The following ADAM22 variants were observed in gnomAD, a reference collection of about 807,000 sequenced individuals.
The protein encoded by ADAM22 is ADAM metallopeptidase domain 22, also known as disintegrin and metalloproteinase domain-containing protein 22.
Under a neutral mutation model 144.6 loss-of-function variants are expected in ADAM22, and 65 were observed. The ratio of observed to expected loss-of-function variants is 0.45; its 90% CI spans 0.37 to 0.55. The LOEUF (loss-of-function observed/expected upper bound fraction) is 0.55. Ranked by LOEUF, ADAM22 falls within the 20% of genes least tolerant of loss-of-function variation. ADAM22 has a pLI of 0.00. For missense variants in ADAM22, 974 were observed against 1,184.9 expected (o/e 0.82, Z 2.61); for synonymous variants, 391 against 412.6 (o/e 0.95, Z 0.63).
chr7:88,112,164 T>G (rs1204012939), intron 5 of ADAM22, among the ~76,000 whole-genome samples: 1 of 152,216 alleles, frequency 6.6e-6, no homozygotes, highest in Middle Eastern at 3.2e-3. Flanking sequence ...TGGGCACATA[T>G]TGTCAGTAAT....
chr7:88,020,050 A>G (rs1432227235), intron 3 of ADAM22, among the ~76,000 whole-genome samples: 1 of 152,154 alleles, frequency 6.6e-6, no homozygotes, highest in African/African-American at 2.4e-5. Flanking sequence ...GCCATCTCTT[A>G]GGTGGATAGC....
intron 3 of ADAM22, among the ~76,000 whole-genome samples, chr7:88,024,818 T>TG (rs1250675533): frequency 6.6e-6 from 1 of 151,768 alleles, no homozygotes; most frequent in African/African-American, 2.4e-5. Flanking sequence ...TTTTTGTCCT[T>TG]GCGATAGTTT....
chr7:87,945,395 T>C (rs1218662502), intron 2 of ADAM22, among the ~76,000 whole-genome samples: 1 of 152,224 alleles, frequency 6.6e-6, no homozygotes, highest in Admixed American at 6.5e-5. Context: ...AATGCTTTCA[T>C]GTGCCTTCCA....
Position 88,044,031 on chromosome 7 carries a change from A to G in ADAM22, c.324-31595A>G, listed in dbSNP as rs543020353. Among the ~76,000 whole-genome samples the G allele has an allele frequency of 2.0e-5, 3 of 152,378 alleles. No homozygotes were observed. The South Asian group carries it at 6.2e-4, about 32-fold the overall frequency. On this transcript the variant is annotated intron_variant, in intron 3 of 31. Transcript: ENST00000413139. ...TTCTCATTGCTACAGTATGGCATAC[A>G]TTAAATCCAAAGAGAAGTACTTGTT...
chr7:88,104,432 A>T (rs1823813416), intron 4 of ADAM22, among the ~76,000 whole-genome samples: 1 of 152,022 alleles, frequency 6.6e-6, no homozygotes, highest in Non-Finnish European at 1.5e-5. Flanking sequence ...ATGTGAAGGG[A>T]GTATTTTTAT....
intron 17 of ADAM22, among the ~76,000 whole-genome samples, chr7:88,148,126 A>G (rs1374227667): frequency 6.6e-6 from 1 of 152,218 alleles, no homozygotes; most frequent in Non-Finnish European, 1.5e-5. Flanking sequence ...ATGCCTGTAG[A>G]GTTCTGAGCA....
rs183506765 is a variant in ADAM22 at position 88,199,738 on chromosome 7, G to A, written c.*3247G>A. ...CCTTTAAAAAATGTTGATGAATAAA[G>A]CAAATGTGGGTTTAAAATGCCAACT... On this transcript the variant is annotated 3_prime_UTR_variant, in exon 32 of 32. Coordinates refer to ENST00000413139, the MANE Select transcript of ADAM22 (RefSeq NM_001324418.2). The A allele has an allele frequency of 6.6e-6, 1 of 152,260 alleles. No homozygotes were observed. Among genetic ancestry groups the A allele is most frequent in the African/African-American group, 2.4e-5 (1 of 41,552 alleles). 9.4% of individuals were successfully genotyped at this position (152,260 alleles called of 1,614,324 possible). A position where few individuals can be genotyped will look rare whatever the true frequency, so the allele number is the denominator to read the frequency against.
chr7:87,994,050 G>A (rs1790512138), intron 3 of ADAM22, among the ~76,000 whole-genome samples: 1 of 151,976 alleles, frequency 6.6e-6, no homozygotes, highest in Admixed American at 6.6e-5. Context: ...TCATGAAAGT[G>A]TCTGAATTTC....
chr7:88,048,438 A>G (rs1395852251), intron 3 of ADAM22, among the ~76,000 whole-genome samples: 2 of 152,156 alleles, frequency 1.3e-5, no homozygotes, highest in Non-Finnish European at 1.5e-5. Context: ...ACTGCCTTCT[A>G]TAAAGTCTAT....
chr7:88,036,695 A>T (rs757242317), intron 3 of ADAM22, among the ~76,000 whole-genome samples: 1 of 152,192 alleles, frequency 6.6e-6, no homozygotes, highest in South Asian at 2.1e-4. Flanking sequence ...CTTGCTGCCC[A>T]GTCTGTGAGA....
intron 3 of ADAM22, among the ~76,000 whole-genome samples, chr7:88,039,464 A>AAAAAATATATATATATATAT: frequency 1.3e-5 from 1 of 76,402 alleles, no homozygotes; most frequent in African/African-American, 4.7e-5. Flanking sequence ...AAAAAAAAAA[A>AAAAAATATATATATATATAT]ATATATATAT....
chr7:88,037,897 CAG>C (rs1348761127), intron 3 of ADAM22, among the ~76,000 whole-genome samples: 1 of 152,186 alleles, frequency 6.6e-6, no homozygotes. Flanking sequence ...TGCCAATATT[CAG>C]AGAGTCTTAA....
chr7:88,085,654 A>G (rs531179822), intron 4 of ADAM22, among the ~76,000 whole-genome samples: 1 of 152,364 alleles, frequency 6.6e-6, no homozygotes, highest in South Asian at 2.1e-4. Flanking sequence ...TAAAACATGT[A>G]TGGGTTGATG....
intron 3 of ADAM22, among the ~76,000 whole-genome samples, chr7:88,009,549 A>T (rs1476698009): frequency 6.6e-6 from 1 of 152,182 alleles, no homozygotes; most frequent in East Asian, 1.9e-4. Flanking sequence ...TGCCTTTTAA[A>T]ATCATAGTTA....
chr7:88,079,697 C>T (rs555866857), intron 4 of ADAM22, among the ~76,000 whole-genome samples: 1 of 152,212 alleles, frequency 6.6e-6, no homozygotes, highest in East Asian at 1.9e-4. Flanking sequence ...GGTTGCAATC[C>T]TACTCTTGGA....
chr7:87,976,592 C>T (rs765594767), intron 2 of ADAM22, among the ~76,000 whole-genome samples: 7 of 152,208 alleles, frequency 4.6e-5, no homozygotes, highest in East Asian at 3.9e-4. Flanking sequence ...CAGTCCTAGA[C>T]GACTATAGGT....
intron 2 of ADAM22, among the ~76,000 whole-genome samples, chr7:87,957,730 G>A (rs757062617): frequency 2.6e-5 from 4 of 151,934 alleles, no homozygotes; most frequent in Non-Finnish European, 4.4e-5. Context: ...TTACAGGTGC[G>A]CACTACCATG....
chr7:88,151,691 G>A (rs948769343), intron 20 of ADAM22, among the ~76,000 whole-genome samples: 5 of 152,172 alleles, frequency 3.3e-5, no homozygotes, highest in Non-Finnish European at 7.4e-5. Context: ...GATGGACGTG[G>A]ACCCTGGACA....
intron 4 of ADAM22, among the ~76,000 whole-genome samples, chr7:88,081,915 A>C (rs1006441405): frequency 6.6e-6 from 1 of 151,526 alleles, no homozygotes; most frequent in Non-Finnish European, 1.5e-5. Context: ...ATACTGCCCA[A>C]GGTAATTTAT....
Sources: gnomAD v4.1 joint callset for allele counts (sites outside exome capture counted in the v4.1 genomes callset) on GRCh38, gnomAD v4.1.1 for gene constraint, MANE v1.5 for transcripts, NCBI Gene and HGNC (gene_info 2026-07-23, HGNC 2026-07-21) for gene names.